Variants in SRPRA observed in about 807,000 individuals in gnomAD.
SRPRA encodes signal recognition particle receptor subunit alpha.
Under a neutral mutation model 61.1 loss-of-function variants are expected in SRPRA, and 30 were observed. That is an observed-to-expected ratio of 0.49 (90% CI 0.37 to 0.67). The LOEUF is 0.67. Among genes scored for constraint, SRPRA ranks in the 30% least tolerant of loss-of-function variants. SRPRA has a pLI of 0.00. For synonymous variants in SRPRA, 324 were observed against 299.7 expected (o/e 1.08, Z -0.84); for missense variants, 759 against 828.4 (o/e 0.92, Z 1.03).
the SRPRA span, among the ~76,000 whole-genome samples, chr11:126,237,195 C>T: frequency 2.2e-5 from 3 of 135,990 alleles, no homozygotes; most frequent in Non-Finnish European, 4.6e-5. Context: ...GGATTACAGA[C>T]GTGAGCCACC....
At position 126,267,492 on chromosome 11, in the gene SRPRA, CAG is replaced by C. The variant is rs1950836554; in HGVS notation, c.365+55_365+56del. 6.2e-7 allele frequency: 1 copy of C among 1,608,650 alleles called. No individual in the cohort carries two copies. Among genetic ancestry groups the C allele is most frequent in the Non-Finnish European group, 8.5e-7 (1 of 1,176,790 alleles). ...CAATTTACCACCTTTGAACCACCTTCAGAGAGGTCATCAAATCATGGAAATAA... is the reference window on the plus strand; with the variant it reads ...CAATTTACCACCTTTGAACCACCTTCAGAGGTCATCAAATCATGGAAATAA... On this transcript the variant is annotated intron_variant, in intron 3 of 13. Transcript: ENST00000332118. The surrounding 1 kb of genome is among the most constrained non-coding windows in gnomAD (Gnocchi z 4.2).
intron 7 of SRPRA, 25 bp downstream of exon 7, chr11:126,266,162 C>G (rs1217792246): frequency 6.2e-7 from 1 of 1,613,548 alleles, no homozygotes; most frequent in Non-Finnish European, 8.5e-7. Context: ...ATGCATATAC[C>G]AACCCCCACC....
the SRPRA span, among the ~76,000 whole-genome samples, chr11:126,239,914 A>G: frequency 1.2e-3 from 176 of 152,310 alleles, no homozygotes; most frequent in Non-Finnish European, 2.1e-3. Context: ...CAAGGCTTGA[A>G]AGTGCTATTC....
chr11:126,250,547 A>G, the SRPRA span: 5 of 1,614,144 alleles, frequency 3.1e-6, no homozygotes, highest in African/African-American at 1.3e-5. This position sits in a 1 kb window ranked among gnomAD's most constrained non-coding sequence, Gnocchi z 5.1. Context: ...AGGACTGTTT[A>G]TATGAAGTAT....
At chr11:126,247,838 A>G in the SRPRA span, among the ~76,000 whole-genome samples, 1 of 147,088 alleles carries the variant, frequency 6.8e-6, no homozygotes, top group African/African-American at 2.5e-5. Flanking sequence ...AGCCTGGGTG[A>G]CAGATCGAGA....
the SRPRA span, among the ~76,000 whole-genome samples, chr11:126,242,993 A>G: frequency 6.6e-6 from 1 of 152,256 alleles, no homozygotes; most frequent in Non-Finnish European, 1.5e-5. Context: ...TGGAGAAACA[A>G]AATGTCTGTC....
chr11:126,238,972 CTTT>C, the SRPRA span, among the ~76,000 whole-genome samples: 3 of 129,862 alleles, frequency 2.3e-5, no homozygotes, highest in Non-Finnish European at 1.6e-5. Context: ...AAGTGGAAGT[CTTT>C]TTTTTTTTTT....
chr11:126,243,784 A>T, the SRPRA span, among the ~76,000 whole-genome samples: 2 of 151,892 alleles, frequency 1.3e-5, no homozygotes, highest in African/African-American at 4.8e-5. Flanking sequence ...CATGCCTGTA[A>T]TCCCAGCTAC....
At chr11:126,268,597 G>C (rs1331857955) in intron 1 of SRPRA, 91 bp downstream of exon 1, 4 of 1,053,638 alleles carry the variant, frequency 3.8e-6, no homozygotes, top group South Asian at 2.8e-5. Flanking sequence ...TGGGCGGGGA[G>C]GGTGGGAGGA....
At chr11:126,268,654 A>G in intron 1 of SRPRA, 34 bp downstream of exon 1, 2 of 1,573,808 alleles carry the variant, frequency 1.3e-6, no homozygotes, top group South Asian at 1.1e-5. Context: ...TCAGGAAAGA[A>G]GAGCCTGGAG....
At position 126,264,288 on chromosome 11, in the gene SRPRA, A is replaced by C; in HGVS notation, c.1691T>G (p.Val564Gly). The change falls in exon 13 of 14, where the codon GTC (valine) becomes GGC (glycine). Residue 564 changes from valine to glycine, a missense_variant and splice_region_variant. Val to Gly is a moderately radical substitution (Grantham distance 109). Around this residue, in one of 2 missense-constraint regions of SRPRA, gnomAD observed 284 missense variants for 365.9 expected, o/e 0.78. Coordinates refer to ENST00000332118, the MANE Select transcript of SRPRA (RefSeq NM_003139.4). This position sits in a 1 kb window ranked among gnomAD's most constrained non-coding sequence, Gnocchi z 5.0. ...LVGNEAVDQLVKFNRALADHS... is the reference protein window; with the variant it reads ...LVGNEAVDQLGKFNRALADHS... ...GTCAGCCAAGGCTCTGTTGAACTTG[A>C]CCTGGAAAGAAAAAGTGATAGAAGT... 1 of 1,613,706 alleles carries C rather than the reference A, an allele frequency of 6.2e-7. No homozygotes were observed. Among genetic ancestry groups the C allele is most frequent in the Non-Finnish European group, 8.5e-7 (1 of 1,179,760 alleles).
chr11:126,267,141 C>A lies in SRPRA; in HGVS notation c.526+34G>T, dbSNP rs770588769. 7 of 1,613,072 alleles carry A rather than the reference C, an allele frequency of 4.3e-6. No individual in the cohort carries two copies. The highest frequency in any genetic ancestry group is 5.9e-6 in the Non-Finnish European group (7 of 1,179,728). The stretch of plus-strand genomic sequence containing the variant: ...TCCTTAGCACCGTGTTAACACCTTT[C>A]ATGTCCCAGTATATCCAAAGAACTC... On this transcript the variant is annotated intron_variant, in intron 4 of 13. Coordinates refer to ENST00000332118, the MANE Select transcript of SRPRA (RefSeq NM_003139.4). The surrounding 1 kb of genome is among the most constrained non-coding windows in gnomAD (Gnocchi z 4.2).
chr11:126,260,814 A>T (rs890406297), downstream of SRPRA: 1 of 152,222 alleles, frequency 6.6e-6, no homozygotes, highest in Non-Finnish European at 1.5e-5. Flanking sequence ...TTTCTGAACT[A>T]TTATCTATGC....
At chr11:126,256,894 G>A in the SRPRA span, 1 of 1,560,736 alleles carries the variant, frequency 6.4e-7, no homozygotes, top group Non-Finnish European at 8.7e-7. This position sits in a 1 kb window ranked among gnomAD's most constrained non-coding sequence, Gnocchi z 6.6. Context: ...GAGAACAACA[G>A]CTCTTCAGCC....
chr11:126,248,560 T>TG, the SRPRA span, among the ~76,000 whole-genome samples: 2 of 151,736 alleles, frequency 1.3e-5, no homozygotes, highest in Non-Finnish European at 2.9e-5. Flanking sequence ...AGTAGAGAGA[T>TG]GGGGTTTCAC....
chr11:126,247,548 A>G, the SRPRA span, among the ~76,000 whole-genome samples: 1 of 152,116 alleles, frequency 6.6e-6, no homozygotes, highest in Admixed American at 6.6e-5. Flanking sequence ...GTGTGTAATA[A>G]TAAAACTGGT....
chr11:126,258,019 A>C (rs1389857032), downstream of SRPRA, among the ~76,000 whole-genome samples: 1 of 152,170 alleles, frequency 6.6e-6, no homozygotes, highest in East Asian at 1.9e-4. Context: ...TGACTCATCC[A>C]TCTAATTCCA....
At position 126,265,648 on chromosome 11, in the gene SRPRA, A is replaced by T; in HGVS notation, c.1138+89T>A. 6.9e-7 allele frequency: 1 copy of T among 1,441,712 alleles called. No individual in the cohort carries two copies. Among genetic ancestry groups the T allele is most frequent in the South Asian group, 1.2e-5 (1 of 84,800 alleles). 89.3% of individuals were successfully genotyped at this position (1,441,712 alleles called of 1,614,324 possible). A position where few individuals can be genotyped will look rare whatever the true frequency, so the allele number is the denominator to read the frequency against. On this transcript the variant is annotated intron_variant, in intron 9 of 13. Transcript: ENST00000332118. The surrounding 1 kb of genome is among the most constrained non-coding windows in gnomAD (Gnocchi z 6.3). ...GGTTACAGAGGTTTAGAGGTTAAGG[A>T]ATTTGCCGAAAGTCACATACCTAGT... is the stretch of plus-strand genomic sequence containing the variant.
chr11:126,241,049 G>A, the SRPRA span: 1 of 1,581,100 alleles, frequency 6.3e-7, no homozygotes, highest in South Asian at 1.1e-5. Context: ...TCTCCTGTGA[G>A]TACCCTAGTA....
Sources: gnomAD v4.1 joint callset for allele counts (sites outside exome capture counted in the v4.1 genomes callset) on GRCh38, gnomAD v4.1.1 for gene constraint, gnomAD v4.1.1 regional missense constraint, Gnocchi (gnomAD v3.1) non-coding constraint, MANE v1.5 for transcripts, NCBI Gene and HGNC (gene_info 2026-07-23, HGNC 2026-07-21) for gene names.